The following RAD51B variants were observed in gnomAD, a reference collection of about 807,000 sequenced individuals.
RAD51B encodes the protein DNA repair protein RAD51 homolog 2.
RAD51B carries 38 observed loss-of-function variants against 42.2 expected under a neutral mutation model. The ratio of observed to expected loss-of-function variants is 0.90; its 90% CI spans 0.70 to 1.18. The LOEUF is 1.18. Among genes scored for constraint, RAD51B ranks in the 50% most tolerant of loss-of-function variants. The pLI is 0.00. For missense variants in RAD51B, 373 were observed against 400.7 expected (o/e 0.93, Z 0.59); for synonymous variants, 154 against 145.2 (o/e 1.06, Z -0.43).
At chr14:68,600,531 A>C (rs986597125), downstream of RAD51B, among the ~76,000 whole-genome samples, 1 of 151,970 alleles carries the variant, frequency 6.6e-6, no homozygotes, top group African/African-American at 2.4e-5. Context: ...CCTGGGGAGG[A>C]CTGCATGCCT....
intron 7 of RAD51B, among the ~76,000 whole-genome samples, chr14:68,069,095 C>T (rs190757815): frequency 4.6e-5 from 7 of 152,066 alleles, no homozygotes; most frequent in Admixed American, 3.3e-4. Flanking sequence ...CCTTTTTGTT[C>T]GTTTTTATGC....
intron 7 of RAD51B, among the ~76,000 whole-genome samples, chr14:67,893,535 G>A (rs2043304916): frequency 1.3e-5 from 2 of 149,282 alleles, no homozygotes; most frequent in South Asian, 2.1e-4. Context: ...GCTGGGTGTG[G>A]TGCTACACAC....
At chr14:68,066,795 T>A (rs2076657424) in intron 7 of RAD51B, among the ~76,000 whole-genome samples, 1 of 152,130 alleles carries the variant, frequency 6.6e-6, no homozygotes, top group Non-Finnish European at 1.5e-5. Context: ...TTAAAAAATT[T>A]TTCTGCTTTT....
chr14:68,265,435 T>G (rs2080971154), intron 7 of RAD51B, among the ~76,000 whole-genome samples: 1 of 152,104 alleles, frequency 6.6e-6, no homozygotes. Flanking sequence ...CCCAGACCAG[T>G]GGGGCAGACT....
chr14:67,890,550 C>T (rs972273971), intron 7 of RAD51B, among the ~76,000 whole-genome samples: 1 of 151,524 alleles, frequency 6.6e-6, no homozygotes, highest in African/African-American at 2.4e-5. Context: ...CATGCTGGTG[C>T]GCTGCACCCA....
chr14:67,998,556 T>G (rs1437924447), intron 7 of RAD51B, among the ~76,000 whole-genome samples: 5 of 152,324 alleles, frequency 3.3e-5, no homozygotes, highest in African/African-American at 1.2e-4. Flanking sequence ...GTTGATATAC[T>G]AGAGCAATGT....
chr14:68,063,045 G>A (rs1306029660), intron 7 of RAD51B, among the ~76,000 whole-genome samples: 1 of 151,910 alleles, frequency 6.6e-6, no homozygotes, highest in African/African-American at 2.4e-5. Flanking sequence ...GTTCATGATT[G>A]TCTCTAATAA....
intron 10 of RAD51B, among the ~76,000 whole-genome samples, chr14:68,650,133 A>T (rs1892670594): frequency 6.6e-6 from 1 of 152,138 alleles, no homozygotes. Context: ...ATTCTGTTTG[A>T]CCACCGAAAG....
At chr14:68,306,587 G>A (rs2081868684) in intron 8 of RAD51B, 1 of 510,060 alleles carries the variant, frequency 2.0e-6, no homozygotes, top group South Asian at 1.4e-5. Flanking sequence ...TGACCAATTT[G>A]CATTGGAAAC....
At chr14:67,823,767 T>A in intron 2 of RAD51B, 140 bp downstream of exon 2, 1 of 631,374 alleles carries the variant, frequency 1.6e-6, no homozygotes, top group Non-Finnish European at 2.5e-6. Flanking sequence ...AGGCTAATTG[T>A]AAATATCAAG....
chr14:68,487,568 G>A (rs1405924134), intron 10 of RAD51B, among the ~76,000 whole-genome samples: 1 of 151,628 alleles, frequency 6.6e-6, no homozygotes, highest in Non-Finnish European at 1.5e-5. Flanking sequence ...GGGTGCAGTG[G>A]CACAATCTTG....
At chr14:68,393,410 C>G (rs1315822493) in intron 8 of RAD51B, among the ~76,000 whole-genome samples, 2 of 152,200 alleles carry the variant, frequency 1.3e-5, no homozygotes, top group African/African-American at 2.4e-5. Flanking sequence ...GTCCTCTATT[C>G]TCATACTGAG....
intron 9 of RAD51B, among the ~76,000 whole-genome samples, chr14:68,451,075 CT>C (rs1262230663): frequency 6.6e-6 from 1 of 152,152 alleles, no homozygotes. Flanking sequence ...GCAAGATAAC[CT>C]ATTCACTCAT....
chr14:68,170,869 A>G (rs1165247722), intron 7 of RAD51B, among the ~76,000 whole-genome samples: 1 of 152,214 alleles, frequency 6.6e-6, no homozygotes, highest in Non-Finnish European at 1.5e-5. Context: ...TTCTGAACAT[A>G]AAATGTTGAT....
chr14:68,358,883 A>G (rs2082961451), intron 8 of RAD51B, among the ~76,000 whole-genome samples: 2 of 152,252 alleles, frequency 1.3e-5, no homozygotes. Flanking sequence ...ATGGAGTTTG[A>G]GTATCCTTAA....
intron 7 of RAD51B, among the ~76,000 whole-genome samples, chr14:68,117,204 A>G (rs540296529): frequency 1.3e-5 from 2 of 152,250 alleles, no homozygotes; most frequent in African/African-American, 4.8e-5. Context: ...GTAATTGTTT[A>G]TATATATTCA....
intron 7 of RAD51B, among the ~76,000 whole-genome samples, chr14:68,126,114 A>G (rs1451981975): frequency 6.6e-6 from 1 of 152,208 alleles, no homozygotes; most frequent in Non-Finnish European, 1.5e-5. Flanking sequence ...ATTATAATAG[A>G]AGGGAGATTG....
chr14:67,924,953 T>C (rs1300032121), intron 7 of RAD51B, among the ~76,000 whole-genome samples: 2 of 152,232 alleles, frequency 1.3e-5, no homozygotes, highest in Non-Finnish European at 2.9e-5. Flanking sequence ...AGTTACTTCC[T>C]ACATACAGTG....
chr14:68,540,750 G>A, intron 10 of RAD51B: 2 of 985,400 alleles, frequency 2.0e-6, no homozygotes, highest in Non-Finnish European at 2.4e-6. Context: ...GACACTTTGT[G>A]AAGAAATGAC....
Sources: gnomAD v4.1 joint callset for allele counts (sites outside exome capture counted in the v4.1 genomes callset) on GRCh38, gnomAD v4.1.1 for gene constraint, MANE v1.5 for transcripts, NCBI Gene and HGNC (gene_info 2026-07-23, HGNC 2026-07-21) for gene names.